The following JAKMIP3 variants were observed in gnomAD, a reference collection of about 807,000 sequenced individuals.
JAKMIP3 encodes the protein janus kinase and microtubule-interacting protein 3.
Under a neutral mutation model 118.5 loss-of-function variants are expected in JAKMIP3, and 58 were observed. That is an observed-to-expected ratio of 0.49 (90% CI 0.40 to 0.61). The LOEUF (loss-of-function observed/expected upper bound fraction) is 0.61, where lower values mean the gene tolerates loss of function less well. Among genes scored for constraint, JAKMIP3 ranks in the 20% least tolerant of loss-of-function variants. JAKMIP3 has a pLI of 0.00. For synonymous variants in JAKMIP3, 486 were observed against 451.2 expected (o/e 1.08, Z -0.98); for missense variants, 950 against 1,109.0 (o/e 0.86, Z 2.04).
chr10:132,098,711 C>G (rs2044365963), intron 1 of JAKMIP3, among the ~76,000 whole-genome samples: 1 of 152,194 alleles, frequency 6.6e-6, no homozygotes, highest in African/African-American at 2.4e-5. Context: ...CGGGCTTCTC[C>G]CATCCTGGGC....
intron 1 of JAKMIP3, among the ~76,000 whole-genome samples, chr10:132,071,269 A>G (rs760938190): frequency 3.3e-5 from 5 of 151,710 alleles, no homozygotes; most frequent in Non-Finnish European, 7.4e-5. Context: ...TGGCCAGAGA[A>G]CGTACTTTGG....
intron 1 of JAKMIP3, among the ~76,000 whole-genome samples, chr10:132,103,769 G>T (rs1445309529): frequency 2.0e-5 from 3 of 152,032 alleles, no homozygotes; most frequent in Admixed American, 1.3e-4. Context: ...GCAAGCAGTG[G>T]GCGAGGGAGG....
At chr10:132,066,823 G>T (rs2038864964) in intron 1 of JAKMIP3, among the ~76,000 whole-genome samples, 1 of 152,198 alleles carries the variant, frequency 6.6e-6, no homozygotes, top group Admixed American at 6.5e-5. Context: ...GCGGTGGAAA[G>T]GGTGTCACAG....
intron 9 of JAKMIP3, among the ~76,000 whole-genome samples, chr10:132,139,174 ATG>A (rs1159130618): frequency 4.8e-5 from 5 of 103,846 alleles, no homozygotes; most frequent in East Asian, 4.6e-4. Flanking sequence ...ACATGTGTGT[ATG>A]TGTCTGTGTA....
intron 16 of JAKMIP3, among the ~76,000 whole-genome samples, chr10:132,151,144 A>G (rs1181612065): frequency 6.6e-6 from 1 of 151,588 alleles, no homozygotes; most frequent in Non-Finnish European, 1.5e-5. Context: ...TCCTCCATTC[A>G]TTCATCCATT....
chr10:132,097,000 T>C (rs2043958515), intron 1 of JAKMIP3, among the ~76,000 whole-genome samples: 1 of 152,138 alleles, frequency 6.6e-6, no homozygotes, highest in Admixed American at 6.5e-5. Flanking sequence ...GACATGGATG[T>C]GCAGATGGCC....
At chr10:132,103,881 C>G (rs145769713) in intron 1 of JAKMIP3, among the ~76,000 whole-genome samples, 86 of 152,304 alleles carry the variant, frequency 5.6e-4, no homozygotes, top group Admixed American at 2.6e-3. Flanking sequence ...ACAGTAGCTC[C>G]CATTGCCTCT....
At chr10:132,121,480 C>T (rs1392298783) in intron 3 of JAKMIP3, among the ~76,000 whole-genome samples, 1 of 152,206 alleles carries the variant, frequency 6.6e-6, no homozygotes, top group Non-Finnish European at 1.5e-5. Context: ...GTGGGACGCT[C>T]GGCCTCACCG....
intron 1 of JAKMIP3, among the ~76,000 whole-genome samples, chr10:132,047,762 G>A (rs2037962940): frequency 2.4e-5 from 3 of 124,296 alleles, no homozygotes; most frequent in Non-Finnish European, 1.7e-5. Context: ...AGAACTGAGT[G>A]TTCCCCACCC....
At position 132,104,685 on chromosome 10, in the gene JAKMIP3, T is replaced by C. The variant is rs2045633337; in HGVS notation, c.-124T>C. On this transcript the variant is annotated 5_prime_UTR_variant, in exon 2 of 24. It removes an upstream start codon present in the reference 5' UTR. Coordinates refer to ENST00000684848, the MANE Select transcript of JAKMIP3 (RefSeq NM_001323087.2). ...TTTCCCCTCCAGGTGAATGAGAAGATGTAGTGTGACAGCAGCCCGGGTGAC... is the reference window on the plus strand; with the variant it reads ...TTTCCCCTCCAGGTGAATGAGAAGACGTAGTGTGACAGCAGCCCGGGTGAC... The C allele has an allele frequency of 2.1e-6, 2 of 935,502 alleles. No homozygotes were observed. Among genetic ancestry groups the C allele is most frequent in the South Asian group, 3.2e-5 (2 of 62,392 alleles). The allele number at this position is 935,502 out of a possible 1,614,324, so 58.0% of individuals were successfully genotyped here.
intron 23 of JAKMIP3, among the ~76,000 whole-genome samples, chr10:132,173,960 G>A (rs1360687274): frequency 2.2e-5 from 3 of 136,464 alleles, no homozygotes; most frequent in Admixed American, 2.2e-4. Context: ...TGTCTGTGGT[G>A]GTCTGTGGTG....
At chr10:132,167,808 C>A in intron 22 of JAKMIP3, 145 bp from the exon 23 acceptor site, 1 of 432,262 alleles carries the variant, frequency 2.3e-6, no homozygotes, top group Non-Finnish European at 4.1e-6. Context: ...TCGGTCCTCA[C>A]CCCTCACCCC....
chr10:132,165,307 A>C (rs2637654), intron 21 of JAKMIP3, among the ~76,000 whole-genome samples: 1 of 151,736 alleles, frequency 6.6e-6, no homozygotes, highest in Non-Finnish European at 1.5e-5. Context: ...AGTCAGGATG[A>C]GGGGAGCACA....
At chr10:132,089,405 C>T (rs2042839710) in intron 1 of JAKMIP3, among the ~76,000 whole-genome samples, 1 of 152,154 alleles carries the variant, frequency 6.6e-6, no homozygotes, top group African/African-American at 2.4e-5. Flanking sequence ...TTGTAGTTCT[C>T]CTTGAAGAGG....
chr10:132,117,215 G>A lies in JAKMIP3; in HGVS notation c.274G>A (p.Glu92Lys), dbSNP rs1450633585. Residue 92 changes from glutamate to lysine, a missense_variant, in exon 3 of 24, where the codon GAG becomes AAG. Physicochemically the swap from Glu to Lys is moderately conservative, Grantham distance 56. Coordinates refer to ENST00000684848, the MANE Select transcript of JAKMIP3 (RefSeq NM_001323087.2). This position sits in a 1 kb window ranked among gnomAD's most constrained non-coding sequence, Gnocchi z 8.6. Reference sequence around the variant, plus strand: ...GATGAAGGAGCTACAGGCTGTGCGTGAGACGCTGCTGCGGCAGCATGAGGC... The same window carrying A: ...GATGAAGGAGCTACAGGCTGTGCGTAAGACGCTGCTGCGGCAGCATGAGGC... ...EKMKELQAVR[E>K]TLLRQHEAEL... 2.5e-6 allele frequency: 4 copies of A among 1,613,908 alleles called. No individual in the cohort carries two copies. Among genetic ancestry groups the A allele is most frequent in the African/African-American group, 1.3e-5 (1 of 74,952 alleles).
chr10:132,172,410 C>T (rs76710932), intron 23 of JAKMIP3, among the ~76,000 whole-genome samples: 16,697 of 151,986 alleles, frequency 0.11, 1,233 homozygotes, highest in Non-Finnish European at 0.15. Flanking sequence ...GGAGATTCGC[C>T]GAGACTGAAA....
chr10:132,045,009 G>T (rs2037866823), intron 1 of JAKMIP3, among the ~76,000 whole-genome samples: 2 of 152,092 alleles, frequency 1.3e-5, no homozygotes, highest in South Asian at 4.1e-4. Context: ...GACACTGGGG[G>T]GCTCCATGTT....
At chr10:132,064,612 C>T (rs1002356080), upstream of JAKMIP3, among the ~76,000 whole-genome samples, 1 of 152,164 alleles carries the variant, frequency 6.6e-6, no homozygotes, top group African/African-American at 2.4e-5. This position sits in a 1 kb window ranked among gnomAD's most constrained non-coding sequence, Gnocchi z 4.4. Context: ...ATAGAGGCAG[C>T]GATGGTTGGT....
intron 1 of JAKMIP3, among the ~76,000 whole-genome samples, chr10:132,094,772 C>T (rs990469647): frequency 7.2e-5 from 11 of 151,908 alleles, no homozygotes; most frequent in Admixed American, 2.6e-4. Flanking sequence ...GAGGAACCCG[C>T]GGTGAGTGGG....
Sources: allele counts gnomAD v4.1 joint callset (sites outside exome capture counted in the v4.1 genomes callset), GRCh38; gene constraint gnomAD v4.1.1; non-coding constraint Gnocchi (gnomAD v3.1); transcripts MANE v1.5; gene names NCBI Gene and HGNC (gene_info 2026-07-23, HGNC 2026-07-21).